The following TXNRD2 variants were observed in gnomAD, a reference collection of about 807,000 sequenced individuals.
TXNRD2 encodes the protein thioredoxin reductase 2, also known as thioredoxin reductase 2, mitochondrial.
Under a neutral mutation model 70.8 loss-of-function variants are expected in TXNRD2, and 67 were observed. That is an observed-to-expected ratio of 0.95 (90% CI 0.78 to 1.16). TXNRD2 has a LOEUF of 1.16. Among genes scored for constraint, TXNRD2 ranks in the 50% most tolerant of loss-of-function variants. The probability of loss-of-function intolerance (pLI) is 0.00; values close to 1 mark genes in which losing one functional copy is unlikely to be tolerated. For missense variants in TXNRD2, 644 were observed against 719.9 expected, an observed-to-expected ratio of 0.89 and a Z score of 1.21; for synonymous variants, 301 against 295.8, an observed-to-expected ratio of 1.02 and a Z score of -0.18.
At chr22:19,907,288 T>A (rs1940088323) in intron 8 of TXNRD2, among the ~76,000 whole-genome samples, 1 of 39,414 alleles carries the variant, frequency 2.5e-5, no homozygotes, top group Non-Finnish European at 4.9e-5. Context: ...CTCAGGAGGG[T>A]GTGGGCGCCG....
At chr22:19,902,393 G>A (rs1939816951) in intron 8 of TXNRD2, among the ~76,000 whole-genome samples, 1 of 152,246 alleles carries the variant, frequency 6.6e-6, no homozygotes, top group South Asian at 2.1e-4. Flanking sequence ...ACGAAGCCTA[G>A]GCTTAAAGAG....
intron 8 of TXNRD2, among the ~76,000 whole-genome samples, chr22:19,900,858 T>C (rs566101727): frequency 2.9e-4 from 44 of 152,342 alleles, no homozygotes; most frequent in African/African-American, 1.0e-3. Context: ...CGAGAGCCCA[T>C]TGTGTGGTGC....
chr22:19,916,070 G>A (rs951041083), intron 5 of TXNRD2: 9 of 532,324 alleles, frequency 1.7e-5, no homozygotes, highest in Admixed American at 3.0e-5. Context: ...AACCACAGGT[G>A]TCAAAGCAGG....
chr22:19,933,310 CA>C, intron 1 of TXNRD2: 1 of 508,844 alleles, frequency 2.0e-6, no homozygotes, highest in Non-Finnish European at 3.6e-6. Context: ...TCTAGAGAAC[CA>C]AGGACTGCTG....
intron 11 of TXNRD2, among the ~76,000 whole-genome samples, chr22:19,885,912 G>C (rs1364899325): frequency 5.3e-5 from 8 of 152,036 alleles, no homozygotes; most frequent in Non-Finnish European, 1.0e-4. Flanking sequence ...AGTCACAAGA[G>C]ATAAAAGAGG....
chr22:19,932,233 C>G, intron 1 of TXNRD2: 1 of 1,560,094 alleles, frequency 6.4e-7, no homozygotes. Context: ...TGCACACAGC[C>G]AGGGTCTTGG....
intron 11 of TXNRD2, chr22:19,895,059 A>C: frequency 6.3e-7 from 1 of 1,585,342 alleles, no homozygotes; most frequent in Admixed American, 1.7e-5. Flanking sequence ...TTAATAAGCA[A>C]TTGCTCAAGG....
intron 1 of TXNRD2, chr22:19,933,338 C>A: frequency 1.3e-6 from 1 of 769,350 alleles, no homozygotes; most frequent in Non-Finnish European, 1.9e-6. Context: ...GAGAAAATGC[C>A]ACCAGGTCCC....
chr22:19,899,183 A>G (rs1364973997), intron 8 of TXNRD2, 115 bp from the exon 9 acceptor site: 2 of 1,354,178 alleles, frequency 1.5e-6, no homozygotes, highest in Non-Finnish European at 2.1e-6. Flanking sequence ...CGTGGGCTCC[A>G]AGGTTACTGT....
Position 19,892,784 on chromosome 22 carries a change from T to C in TXNRD2, c.949+2623A>G, listed in dbSNP as rs111422423. Among the ~76,000 whole-genome samples, 70 of 152,270 alleles carry C rather than the reference T, an allele frequency of 4.6e-4. No homozygotes were observed. The South Asian group carries it at 6.2e-3, about 14-fold the overall frequency. Reference sequence around the variant, plus strand: ...ACCTCCCCTTTAGAGTGGAGTTTATTTGGGAATGACAGTAGGAGGATAAAT... The same window carrying C: ...ACCTCCCCTTTAGAGTGGAGTTTATCTGGGAATGACAGTAGGAGGATAAAT... On this transcript the variant is annotated intron_variant, in intron 11 of 17. Coordinates refer to ENST00000400521, the MANE Select transcript of TXNRD2 (RefSeq NM_006440.5).
Position 19,875,607 on chromosome 22 carries a change from G to A in TXNRD2, c.*266C>T, listed in dbSNP as rs1357273425. The A allele has an allele frequency of 6.6e-6, 1 of 151,194 alleles. No homozygotes were observed. The highest frequency in any genetic ancestry group is 2.5e-5 in the African/African-American group (1 of 40,432). The allele number at this position is 151,194 out of a possible 1,614,324, so 9.4% of individuals were successfully genotyped here. ...GCCCACAGGGTAGGTTTCCACCCAGGTCGTCATCATCTGGCACCAGGAGCC... is the reference window on the plus strand; with the variant it reads ...GCCCACAGGGTAGGTTTCCACCCAGATCGTCATCATCTGGCACCAGGAGCC... On this transcript the variant is annotated 3_prime_UTR_variant, in exon 18 of 18. Coordinates refer to ENST00000400521, the MANE Select transcript of TXNRD2 (RefSeq NM_006440.5).
intron 2 of TXNRD2, among the ~76,000 whole-genome samples, chr22:19,925,056 G>A (rs867168825): frequency 1.3e-5 from 2 of 151,498 alleles, no homozygotes; most frequent in Non-Finnish European, 2.9e-5. Context: ...AGGCCAAGGG[G>A]GGCGGATCAC....
At chr22:19,930,170 G>A (rs1033115613) in intron 2 of TXNRD2, among the ~76,000 whole-genome samples, 5 of 152,120 alleles carry the variant, frequency 3.3e-5, no homozygotes, top group East Asian at 1.9e-4. Flanking sequence ...CACACTCCCC[G>A]GCCCCCACAG....
At position 19,941,712 on chromosome 22, in the gene TXNRD2, C is replaced by A. The variant is rs1054103249; in HGVS notation, c.92G>T (p.Arg31Leu). The change falls in exon 1 of 18, where the codon CGG (arginine) becomes CTG (leucine). Residue 31 changes from arginine to leucine, a missense_variant. Around this residue, in one of 3 missense-constraint regions of TXNRD2, gnomAD observed 71 missense variants for 53.6 expected, o/e 1.33. Transcript: ENST00000400521. ...AVAGGVRGAA[R>L]GAAAGQRDYD... ...CGACCCCATCCTACCTGCTGCGCCC[C>A]GCGCCGCGCCCCGCACCCCGCCCGC... is the stretch of plus-strand genomic sequence containing the variant. 2.0e-6 allele frequency: 3 copies of A among 1,483,922 alleles called. No homozygotes were observed. In the Admixed American group the frequency reaches 6.8e-5, roughly 34 times the overall value. 91.9% of individuals were successfully genotyped at this position (1,483,922 alleles called of 1,614,324 possible).
intron 1 of TXNRD2, among the ~76,000 whole-genome samples, chr22:19,931,701 C>T (rs1284214060): frequency 1.3e-5 from 2 of 152,090 alleles, no homozygotes; most frequent in African/African-American, 4.8e-5. Flanking sequence ...TGGGGTCTGG[C>T]TATGTTGCCC....
intron 1 of TXNRD2, among the ~76,000 whole-genome samples, chr22:19,939,079 G>C (rs113120410): frequency 6.6e-6 from 1 of 152,230 alleles, no homozygotes; most frequent in Admixed American, 6.5e-5. Flanking sequence ...GTATGCTTGT[G>C]TTTTACCAGG....
intron 8 of TXNRD2, among the ~76,000 whole-genome samples, chr22:19,909,917 CT>C (rs1940317817): frequency 4.9e-5 from 5 of 101,658 alleles, no homozygotes; most frequent in Middle Eastern, 4.8e-3. Flanking sequence ...CACCCACACC[CT>C]TCACACACAC....
chr22:19,907,450 G>GGT (rs1940099399), intron 8 of TXNRD2, among the ~76,000 whole-genome samples: 2 of 30,206 alleles, frequency 6.6e-5, no homozygotes, highest in Non-Finnish European at 1.3e-4. Flanking sequence ...GGAGAGTGTG[G>GGT]GCGCTGTGAG....
chr22:19,885,867 C>T (rs996809888), intron 11 of TXNRD2, among the ~76,000 whole-genome samples: 3 of 152,248 alleles, frequency 2.0e-5, no homozygotes, highest in African/African-American at 7.2e-5. Context: ...ACCCTGTCCC[C>T]AGGTCCCGAA....
Sources: allele counts gnomAD v4.1 joint callset (sites outside exome capture counted in the v4.1 genomes callset), GRCh38; gene constraint gnomAD v4.1.1; regional missense constraint gnomAD v4.1.1; transcripts MANE v1.5; gene names NCBI Gene and HGNC (gene_info 2026-07-23, HGNC 2026-07-21).